The following SEC24D variants were observed in gnomAD, a reference collection of about 807,000 sequenced individuals.
The protein encoded by SEC24D is protein transport protein Sec24D.
SEC24D carries 69 observed loss-of-function variants against 116.9 expected under a neutral mutation model. The ratio of observed to expected loss-of-function variants is 0.59; its 90% confidence interval spans 0.49 to 0.72. The LOEUF (loss-of-function observed/expected upper bound fraction) is 0.72. SEC24D is among the 30% of genes least tolerant of loss of function. The pLI is 0.00. For missense variants in SEC24D, 1,131 were observed against 1,264.1 expected, an observed-to-expected ratio of 0.89 and a Z score of 1.60; for synonymous variants, 405 against 442.8, an observed-to-expected ratio of 0.91 and a Z score of 1.07.
At chr4:118,736,446 A>T (rs1725962852) in intron 19 of SEC24D, 1 of 193,010 alleles carries the variant, frequency 5.2e-6, no homozygotes, top group South Asian at 7.6e-5. Flanking sequence ...GTCCAGTATC[A>T]TACAATCCAG....
chr4:118,792,680 T>C (rs1728980393), intron 8 of SEC24D, among the ~76,000 whole-genome samples: 2 of 152,204 alleles, frequency 1.3e-5, no homozygotes, highest in South Asian at 4.1e-4. Flanking sequence ...GTTAAACAGA[T>C]GCTTGAAGGC....
At chr4:118,730,513 A>G (rs887366019) in intron 21 of SEC24D, 1 of 152,220 alleles carries the variant, frequency 6.6e-6, no homozygotes, top group Non-Finnish European at 1.5e-5. Flanking sequence ...GACTTAAGCC[A>G]TCTTGCCACA....
intron 11 of SEC24D, 36 bp from the exon 12 acceptor site, chr4:118,752,924 T>C (rs1388978711): frequency 3.5e-6 from 5 of 1,448,932 alleles, no homozygotes; most frequent in Non-Finnish European, 4.7e-6. Context: ...AGATGCTTTA[T>C]AAATTTAGAT....
At chr4:118,788,964 T>C (rs1728774259) in intron 8 of SEC24D, among the ~76,000 whole-genome samples, 1 of 152,198 alleles carries the variant, frequency 6.6e-6, no homozygotes. Context: ...TGGATAGTCT[T>C]TGCCTACAAG....
chr4:118,803,949 C>T (rs1729559562), intron 7 of SEC24D, among the ~76,000 whole-genome samples: 1 of 151,582 alleles, frequency 6.6e-6, no homozygotes, highest in South Asian at 2.1e-4. Context: ...TATTATTAAC[C>T]TCAGGTTTAG....
At chr4:118,782,963 G>T (rs866215015) in intron 8 of SEC24D, among the ~76,000 whole-genome samples, 5 of 152,232 alleles carry the variant, frequency 3.3e-5, no homozygotes, top group South Asian at 4.2e-4. Flanking sequence ...TTGGAAAAGC[G>T]CAGTATTTTG....
Position 118,825,063 on chromosome 4 carries a change from C to G in SEC24D, c.119-314G>C, listed in dbSNP as rs191932390. 1.1e-3 allele frequency among the ~76,000 whole-genome samples: 166 copies of G among 152,256 alleles called. 1 individual carries two copies. The highest frequency in any genetic ancestry group is 1.7e-3 in the Non-Finnish European group (118 of 68,026). On this transcript the variant is annotated intron_variant, in intron 2 of 22. Transcript: ENST00000280551. The stretch of plus-strand genomic sequence containing the variant: ...AAAGTATATTACCACGCAAAGAATA[C>G]TAAAACACGCAATGAAAAATGGCAG...
chr4:118,778,178 G>T (rs940252837), intron 8 of SEC24D, among the ~76,000 whole-genome samples: 1 of 152,164 alleles, frequency 6.6e-6, no homozygotes, highest in African/African-American at 2.4e-5. Flanking sequence ...TGAAGTCCTT[G>T]CCCATGCCTA....
intron 8 of SEC24D, among the ~76,000 whole-genome samples, chr4:118,783,541 T>C (rs1414359698): frequency 6.6e-6 from 1 of 152,242 alleles, no homozygotes; most frequent in Non-Finnish European, 1.5e-5. Context: ...ATTCATTGAA[T>C]TGAATTGGTT....
At chr4:118,827,901 T>G (rs1578481608) in intron 2 of SEC24D, among the ~76,000 whole-genome samples, 1 of 152,154 alleles carries the variant, frequency 6.6e-6, no homozygotes. Context: ...AATTTGGTCC[T>G]GGACCTGACA....
rs1725266925 is a variant in SEC24D at position 118,723,763 on chromosome 4, A to G, written c.2959-108T>C. On this transcript the variant is annotated intron_variant, in intron 22 of 22. Coordinates refer to ENST00000280551, the MANE Select transcript of SEC24D (RefSeq NM_014822.4). ...TGGCAAACATTATTGAATGCCCATT[A>G]TGTGTGAGGCTATGGAGGATGATGG... 5.8e-6 allele frequency: 7 copies of G among 1,209,658 alleles called. No homozygotes were observed. The South Asian group carries it at 7.4e-5, about 13-fold the overall frequency. 74.9% of individuals were successfully genotyped at this position (1,209,658 alleles called of 1,614,324 possible).
intron 11 of SEC24D, among the ~76,000 whole-genome samples, chr4:118,755,441 C>T (rs1171932233): frequency 2.9e-5 from 4 of 136,692 alleles, no homozygotes; most frequent in Non-Finnish European, 4.7e-5. Context: ...GTTTTAGTTA[C>T]AGCAGCATTA....
chr4:118,742,761 G>A (rs1317215730), intron 15 of SEC24D, among the ~76,000 whole-genome samples: 5 of 152,186 alleles, frequency 3.3e-5, no homozygotes, highest in Non-Finnish European at 5.9e-5. Context: ...CTCCACGCCT[G>A]CCCAGGCACA....
chr4:118,747,958 T>C lies in SEC24D; in HGVS notation c.1708-2898A>G, dbSNP rs1036199391. 2.6e-5 allele frequency among the ~76,000 whole-genome samples: 4 copies of C among 152,152 alleles called. No homozygotes were observed. In the East Asian group the frequency reaches 7.7e-4, roughly 29 times the overall value. On this transcript the variant is annotated intron_variant, in intron 13 of 22. Coordinates refer to ENST00000280551, the MANE Select transcript of SEC24D (RefSeq NM_014822.4). ...ATTAATCATAATTAAACATACTTGA[T>C]TGTCTTGTTAATATTACCTATAGTA...
At chr4:118,788,705 A>G (rs1048428622) in intron 8 of SEC24D, among the ~76,000 whole-genome samples, 5 of 152,228 alleles carry the variant, frequency 3.3e-5, no homozygotes, top group Non-Finnish European at 7.3e-5. Context: ...CATTTAAAAG[A>G]CATGAAATAT....
In SEC24D at chr4:118,732,734, A is replaced by G. The variant is rs1459087130; in HGVS notation, c.2675T>C (p.Ile892Thr). Residue 892 changes from isoleucine (I) to threonine (T), a missense_variant and splice_region_variant, in exon 20 of 23, where the codon ATA (isoleucine) becomes ACA (threonine). By Grantham distance (89) the Ile-to-Thr change is moderately conservative (BLOSUM62 -1). Coordinates refer to ENST00000280551, the MANE Select transcript of SEC24D (RefSeq NM_014822.4). ...AATGCACCACCCCAGCATGCTTACT[A>G]TGGGCAGAAGTTGTGGGTAGAAGAA... The part of the protein sequence containing the change: ...QLFFYPQLLP[I>T]HTLDVKSTML... 2.5e-6 allele frequency: 4 copies of G among 1,613,478 alleles called. No individual in the cohort carries two copies. The highest frequency in any genetic ancestry group is 1.1e-5 in the South Asian group (1 of 90,964).
At position 118,795,823 on chromosome 4, in the gene SEC24D, T is replaced by C. The variant is rs182536359; in HGVS notation, c.1041+1860A>G. ...AGATAACTTTCTGGGGTGGCAATTA[T>C]GTTCTATGTTTTGATAGGTGTCTCG... On this transcript the variant is annotated intron_variant, in intron 8 of 22. Transcript: ENST00000280551. Among the ~76,000 whole-genome samples, 239 of 152,306 alleles carry C rather than the reference T, an allele frequency of 1.6e-3. 2 individuals are homozygous for C. Among genetic ancestry groups the C allele is most frequent in the African/African-American group, 5.4e-3 (224 of 41,578 alleles).
At chr4:118,777,783 A>C (rs987332655) in intron 8 of SEC24D, among the ~76,000 whole-genome samples, 15 of 152,162 alleles carry the variant, frequency 9.9e-5, no homozygotes, top group African/African-American at 3.6e-4. Context: ...TTGTTTCCTG[A>C]CTTTTTAATG....
chr4:118,805,250 T>G (rs1729627355), intron 7 of SEC24D, among the ~76,000 whole-genome samples: 1 of 152,208 alleles, frequency 6.6e-6, no homozygotes, highest in African/African-American at 2.4e-5. Flanking sequence ...CTTCTAGGAT[T>G]GAGTACATGA....
Sources: allele counts gnomAD v4.1 joint callset (sites outside exome capture counted in the v4.1 genomes callset), GRCh38; gene constraint gnomAD v4.1.1; transcripts MANE v1.5; gene names NCBI Gene and HGNC (gene_info 2026-07-23, HGNC 2026-07-21).